The following NNT variants were observed in gnomAD, a reference collection of about 807,000 sequenced individuals.
NNT encodes NAD(P) transhydrogenase, mitochondrial.
A neutral mutation model predicts 104.8 loss-of-function variants in NNT; 50 were observed. The observed-to-expected ratio is 0.48, with a 90% CI of 0.38 to 0.60. NNT has a LOEUF of 0.60. Among genes scored for constraint, NNT ranks in the 20% least tolerant of loss-of-function variants. The pLI, the probability that NNT is intolerant of heterozygous loss-of-function variation, is 0.00. For missense variants in NNT, 1,131 were observed against 1,330.7 expected (o/e 0.85, Z 2.33); for synonymous variants, 461 against 490.4 (o/e 0.94, Z 0.79).
intron 17 of NNT, among the ~76,000 whole-genome samples, chr5:43,671,070 T>G (rs920641374): frequency 6.6e-6 from 1 of 152,210 alleles, no homozygotes; most frequent in Non-Finnish European, 1.5e-5. Context: ...TATTTGTTGG[T>G]TTAAAGTCTG....
intron 17 of NNT, among the ~76,000 whole-genome samples, chr5:43,659,685 C>A (rs1740253582): frequency 6.6e-6 from 1 of 152,016 alleles, no homozygotes; most frequent in Admixed American, 6.6e-5. Context: ...TGAGATCATG[C>A]CACTGTACTC....
chr5:43,616,214 CATTTT>C (rs1335776660), intron 4 of NNT, 149 bp downstream of exon 4: 4 of 662,174 alleles, frequency 6.0e-6, no homozygotes, highest in South Asian at 4.4e-5. Flanking sequence ...ATTTTTGACT[CATTTT>C]ATTGTTTTAC....
chr5:43,645,758 A>G (rs1217916386), intron 10 of NNT: 1 of 116,836 alleles, frequency 8.6e-6, no homozygotes, highest in Non-Finnish European at 1.6e-5. Flanking sequence ...TCTGTCGCCC[A>G]GGCTGGAGTG....
chr5:43,623,285 C>T (rs1404752830), intron 5 of NNT, among the ~76,000 whole-genome samples: 1 of 152,128 alleles, frequency 6.6e-6, no homozygotes, highest in East Asian at 1.9e-4. Context: ...GTGTTGCTTT[C>T]AATTGACTGT....
chr5:43,612,952 T>C lies in NNT; in HGVS notation c.196T>C (p.Phe66Leu), dbSNP rs779797639. ...QLTVGVPKEI[F>L]QNEKRVALSP... ...GACTGTTGGAGTCCCCAAAGAGATA[T>C]TCCAAAATGAGAAGCGAGTGGCATT... The change falls in exon 3 of 22, where the codon TTC becomes CTC. Residue 66 changes from phenylalanine to leucine, a missense_variant. Physicochemically the swap from Phe to Leu is conservative, Grantham distance 22. Coordinates refer to ENST00000344920, the MANE Select transcript of NNT (RefSeq NM_182977.3). The C allele has an allele frequency of 6.2e-7, 1 of 1,614,166 alleles. No individual in the cohort carries two copies. Among genetic ancestry groups the C allele is most frequent in the Admixed American group, 1.7e-5 (1 of 60,022 alleles).
intron 1 of NNT, among the ~76,000 whole-genome samples, chr5:43,607,286 C>A (rs1209271165): frequency 6.6e-6 from 1 of 152,222 alleles, no homozygotes; most frequent in African/African-American, 2.4e-5. Context: ...CCTGCCTTAA[C>A]TGATGACATT....
intron 17 of NNT, among the ~76,000 whole-genome samples, chr5:43,660,951 T>C (rs1485108896): frequency 6.6e-6 from 1 of 152,298 alleles, no homozygotes; most frequent in East Asian, 1.9e-4. Flanking sequence ...TATAATATTT[T>C]AAAAAACTCG....
chr5:43,694,738 T>TTGTGTGTGTGTGTGTGTGTG (rs61079918), intron 19 of NNT, among the ~76,000 whole-genome samples: 4 of 137,912 alleles, frequency 2.9e-5, no homozygotes, highest in East Asian at 2.2e-4. Flanking sequence ...GGCCTAAAGT[T>TTGTGTGTGTGTGTGTGTGTG]TGTGTGTGTG....
intron 20 of NNT, among the ~76,000 whole-genome samples, chr5:43,702,227 T>C (rs1042349684): frequency 1.3e-5 from 2 of 152,194 alleles, no homozygotes; most frequent in East Asian, 3.8e-4. Flanking sequence ...TCTTCTTGGA[T>C]TCTTATAGTT....
At chr5:43,697,938 T>A (rs533505307) in intron 19 of NNT, among the ~76,000 whole-genome samples, 1 of 151,444 alleles carries the variant, frequency 6.6e-6, no homozygotes, top group Admixed American at 6.6e-5. Flanking sequence ...AAGATGAGAT[T>A]TGAGCGGGGA....
chr5:43,657,630 T>C (rs879701478), intron 16 of NNT, among the ~76,000 whole-genome samples: 59 of 152,226 alleles, frequency 3.9e-4, no homozygotes, highest in Admixed American at 2.2e-3. Context: ...TGATACTTAT[T>C]TTTGTGTGAT....
intron 17 of NNT, among the ~76,000 whole-genome samples, chr5:43,663,916 A>C (rs1740498767): frequency 6.6e-6 from 1 of 152,240 alleles, no homozygotes; most frequent in Non-Finnish European, 1.5e-5. Flanking sequence ...CATGTTTTAG[A>C]ATCTTCTCCA....
rs1176611392 is a variant in NNT, at chr5:43,603,197, G to A, written c.-151G>A. ...GAGTTGGGGCTGTTCTTCCGGGTTGGAGGCGCAGCGCCGCGGGGCCCAAGC... is the reference window on the plus strand; with the variant it reads ...GAGTTGGGGCTGTTCTTCCGGGTTGAAGGCGCAGCGCCGCGGGGCCCAAGC... On this transcript the variant is annotated 5_prime_UTR_variant, in exon 1 of 22. Coordinates refer to ENST00000344920, the MANE Select transcript of NNT (RefSeq NM_182977.3). 6.5e-6 allele frequency: 1 copy of A among 152,936 alleles called. No homozygotes were observed. Among genetic ancestry groups the A allele is most frequent in the East Asian group, 1.9e-4 (1 of 5,200 alleles). The allele number at this position is 152,936 out of a possible 1,614,324, so 9.5% of individuals were successfully genotyped here.
chr5:43,606,410 T>A (rs891740705), intron 1 of NNT, among the ~76,000 whole-genome samples: 4 of 152,204 alleles, frequency 2.6e-5, no homozygotes, highest in African/African-American at 7.2e-5. Context: ...AATTTCGAAC[T>A]AATTTTCTCT....
Position 43,648,604 on chromosome 5 carries a change from C to T in NNT, c.1445-543C>T, listed in dbSNP as rs189649405. Among the ~76,000 whole-genome samples, 10 of 152,212 alleles carry T rather than the reference C, an allele frequency of 6.6e-5. No individual in the cohort carries two copies. The East Asian group carries it at 1.3e-3, about 21-fold the overall frequency. On this transcript the variant is annotated intron_variant, in intron 10 of 21. Coordinates refer to ENST00000344920, the MANE Select transcript of NNT (RefSeq NM_182977.3). ...AGGAGCAATTGCAAAATTTGTGTCC[C>T]GGGTGGGTGGAAGCCATATGTTTTG...
At chr5:43,657,170 T>C (rs1396115878) in intron 16 of NNT, among the ~76,000 whole-genome samples, 1 of 152,106 alleles carries the variant, frequency 6.6e-6, no homozygotes, top group Admixed American at 6.5e-5. Flanking sequence ...TGCTTCGGGG[T>C]TTATACAATA....
chr5:43,691,465 C>T (rs756145442), intron 19 of NNT, among the ~76,000 whole-genome samples: 5 of 152,026 alleles, frequency 3.3e-5, no homozygotes, highest in East Asian at 3.9e-4. Flanking sequence ...TATCCAAGTG[C>T]CCTCTGATCT....
intron 2 of NNT, 46 bp downstream of exon 2, chr5:43,609,392 G>C: frequency 6.3e-7 from 1 of 1,578,844 alleles, no homozygotes; most frequent in Non-Finnish European, 8.7e-7. Flanking sequence ...TCAAGTCATA[G>C]GAACTAATAG....
intron 17 of NNT, among the ~76,000 whole-genome samples, chr5:43,665,760 G>A (rs1740617031): frequency 1.5e-5 from 2 of 137,876 alleles, no homozygotes; most frequent in African/African-American, 2.4e-5. Context: ...TCCCAGACGG[G>A]GTGGTGGCCG....
Sources: allele counts gnomAD v4.1 joint callset (sites outside exome capture counted in the v4.1 genomes callset), GRCh38; gene constraint gnomAD v4.1.1; transcripts MANE v1.5; gene names NCBI Gene and HGNC (gene_info 2026-07-23, HGNC 2026-07-21).